The following GGA3 variants were observed in gnomAD, a reference collection of about 807,000 sequenced individuals.
GGA3 encodes golgi associated, gamma adaptin ear containing, ARF binding protein 3, also known as ADP-ribosylation factor-binding protein GGA3.
Under a neutral mutation model 77.5 loss-of-function variants are expected in GGA3, and 57 were observed. The ratio of observed to expected loss-of-function variants is 0.74; its 90% CI spans 0.59 to 0.92. GGA3 has a LOEUF of 0.92. GGA3 is among the 40% of genes least tolerant of loss of function. The probability of loss-of-function intolerance (pLI) is 0.00; values close to 1 mark genes in which losing one functional copy is unlikely to be tolerated. For synonymous variants in GGA3, 416 were observed against 383.7 expected, an observed-to-expected ratio of 1.08 and a Z score of -0.98; for missense variants, 970 against 914.9, an observed-to-expected ratio of 1.06 and a Z score of -0.78.
chr17:75,237,990 T>TG lies in GGA3; in HGVS notation c.*288dup. ...AGGAAGCAAACACCTACGCCAAGCC[T>TG]GGGGGTCCATGTTCCCGGGACAGCA... On this transcript the variant is annotated 3_prime_UTR_variant, in exon 17 of 17. Coordinates refer to ENST00000537686, the MANE Select transcript of GGA3 (RefSeq NM_138619.4). The TG allele has an allele frequency of 1.7e-6, 2 of 1,193,356 alleles. No homozygotes were observed. The highest frequency in any genetic ancestry group is 1.0e-6 in the Non-Finnish European group (1 of 964,672). 73.9% of individuals were successfully genotyped at this position (1,193,356 alleles called of 1,614,324 possible).
rs766079505 is a variant in GGA3 at position 75,241,665 on chromosome 17, C to T, written c.779G>A (p.Arg260Gln). 38 of 1,613,988 alleles carry T rather than the reference C, an allele frequency of 2.4e-5. No homozygotes were observed. The highest frequency in any genetic ancestry group is 1.6e-4 in the Middle Eastern group (1 of 6,084). Residue 260 changes from arginine to glutamine, a missense_variant, in exon 9 of 17, where the codon CGG (arginine) becomes CAG (glutamine). Arg to Gln is a conservative substitution (Grantham distance 43). Coordinates refer to ENST00000537686, the MANE Select transcript of GGA3 (RefSeq NM_138619.4). ...ELFDQCENKR[R>Q]TLFKLASETE... The stretch of plus-strand genomic sequence containing the variant: ...CTCACTGGCGAGTTTAAATAAAGTC[C>T]GCCTCTTGTTCTCACACTGATCAAA...
intron 1 of GGA3, among the ~76,000 whole-genome samples, chr17:75,251,290 GAC>G (rs1363912143): frequency 1.3e-5 from 2 of 150,488 alleles, no homozygotes; most frequent in Non-Finnish European, 2.9e-5. Flanking sequence ...AAAAGTTCCA[GAC>G]ACAGATTTTA....
upstream of GGA3, chr17:75,262,350 G>C: frequency 2.3e-6 from 2 of 865,422 alleles, no homozygotes; most frequent in Non-Finnish European, 3.7e-6. Flanking sequence ...TGGGACAAGG[G>C]CCTGAATTGT....
upstream of GGA3, chr17:75,262,011 G>T (rs972770139): frequency 2.5e-6 from 4 of 1,600,628 alleles, no homozygotes; most frequent in Admixed American, 6.7e-5. Context: ...AGCGGCGGGG[G>T]GGCGCTGCGA....
intron 1 of GGA3, among the ~76,000 whole-genome samples, chr17:75,260,052 G>A (rs1319003895): frequency 6.6e-6 from 1 of 152,102 alleles, no homozygotes; most frequent in Non-Finnish European, 1.5e-5. Context: ...AGGAGGCTGA[G>A]GTAGAAGACT....
At chr17:75,251,648 A>G (rs535401867) in intron 1 of GGA3, among the ~76,000 whole-genome samples, 69 of 134,340 alleles carry the variant, frequency 5.1e-4, no homozygotes, top group African/African-American at 1.8e-3. Flanking sequence ...AGAGGTTGCA[A>G]TGAGCTGAGA....
At chr17:75,262,013 G>A, upstream of GGA3, 3 of 1,599,990 alleles carry the variant, frequency 1.9e-6, no homozygotes, top group Non-Finnish European at 2.5e-6. Flanking sequence ...CGGCGGGGGG[G>A]CGCTGCGAGG....
intron 7 of GGA3, 146 bp downstream of exon 7, chr17:75,242,685 C>T: frequency 2.3e-6 from 2 of 876,650 alleles, no homozygotes; most frequent in South Asian, 1.5e-5. Context: ...TATTGTGCTC[C>T]TCCTCCCACT....
At chr17:75,259,172 T>C (rs1219509672) in intron 1 of GGA3, among the ~76,000 whole-genome samples, 2 of 152,070 alleles carry the variant, frequency 1.3e-5, no homozygotes, top group Non-Finnish European at 2.9e-5. Flanking sequence ...GCCAGGATGG[T>C]CTCGATCTCC....
At chr17:75,252,662 T>G (rs1443184785) in intron 1 of GGA3, among the ~76,000 whole-genome samples, 1 of 152,186 alleles carries the variant, frequency 6.6e-6, no homozygotes, top group Non-Finnish European at 1.5e-5. Context: ...GCATCCCCTA[T>G]GACTTGCACG....
intron 1 of GGA3, among the ~76,000 whole-genome samples, chr17:75,257,792 C>T (rs576393590): frequency 1.3e-5 from 2 of 152,132 alleles, no homozygotes; most frequent in African/African-American, 2.4e-5. Flanking sequence ...CAAAAATTTT[C>T]GCTGCCCCAA....
At chr17:75,246,192 C>G (rs2145529880) in intron 3 of GGA3, among the ~76,000 whole-genome samples, 1 of 152,362 alleles carries the variant, frequency 6.6e-6, no homozygotes, top group East Asian at 1.9e-4. Flanking sequence ...ATCTCTTCAC[C>G]AAGCCTTCTC....
At chr17:75,246,383 C>A in intron 3 of GGA3, 126 bp downstream of exon 3, 1 of 673,020 alleles carries the variant, frequency 1.5e-6, no homozygotes, top group Admixed American at 2.4e-5. Context: ...CGAGATCTAT[C>A]TAGTCTGTAT....
At position 75,237,247 on chromosome 17, in the gene GGA3, A is replaced by G. The variant is rs114736025; in HGVS notation, c.*1032T>C. On this transcript the variant is annotated 3_prime_UTR_variant, in exon 17 of 17. Transcript: ENST00000537686. The stretch of plus-strand genomic sequence containing the variant: ...CCTCCAGACCCAACATCTCGCTGAC[A>G]GTGCCCCTCAGTAGCTGGGGAACAG... 1.7e-3 allele frequency: 1,028 copies of G among 599,600 alleles called. 8 individuals are homozygous for G. Among genetic ancestry groups the G allele is most frequent in the African/African-American group, 0.016 (877 of 54,002 alleles). 37.1% of individuals were successfully genotyped at this position (599,600 alleles called of 1,614,324 possible).
At chr17:75,242,535 C>T in intron 7 of GGA3, 62 bp from the exon 8 acceptor site, 1 of 1,588,830 alleles carries the variant, frequency 6.3e-7, no homozygotes, top group Middle Eastern at 1.7e-4. Context: ...CCACTTCCAC[C>T]AGGTCACACC....
chr17:75,255,434 C>T (rs1314055364), intron 1 of GGA3, among the ~76,000 whole-genome samples: 1 of 152,060 alleles, frequency 6.6e-6, no homozygotes, highest in Non-Finnish European at 1.5e-5. Flanking sequence ...CCTTTGCGTC[C>T]TCCTCTTGTA....
intron 1 of GGA3, among the ~76,000 whole-genome samples, chr17:75,248,259 C>T (rs906574721): frequency 4.0e-5 from 6 of 149,068 alleles, no homozygotes; most frequent in African/African-American, 1.5e-4. Context: ...ATCACGAGGT[C>T]AGGAGATCGA....
At chr17:75,261,286 C>T (rs1162334570) in intron 1 of GGA3, among the ~76,000 whole-genome samples, 1 of 152,262 alleles carries the variant, frequency 6.6e-6, no homozygotes, top group African/African-American at 2.4e-5. Flanking sequence ...TTCCCCGAGC[C>T]TGCGGTGCCC....
intron 1 of GGA3, among the ~76,000 whole-genome samples, chr17:75,258,952 CTTTTTT>C (rs1189517940): frequency 1.5e-5 from 2 of 131,340 alleles, no homozygotes; most frequent in African/African-American, 3.0e-5. Flanking sequence ...TGCCTTGTAT[CTTTTTT>C]TTTTTTTTTT....
Sources: allele counts gnomAD v4.1 joint callset (sites outside exome capture counted in the v4.1 genomes callset), GRCh38; gene constraint gnomAD v4.1.1; transcripts MANE v1.5; gene names NCBI Gene and HGNC (gene_info 2026-07-23, HGNC 2026-07-21).